Variants in TENM2 observed in about 807,000 individuals in gnomAD.
TENM2 encodes teneurin transmembrane protein 2.
Under a neutral mutation model 245.2 loss-of-function variants are expected in TENM2, and 52 were observed. That is an observed-to-expected ratio of 0.21 (90% CI 0.17 to 0.27). The LOEUF is 0.27. Ranked by LOEUF, TENM2 falls within the 10% of genes least tolerant of loss-of-function variation. TENM2 has a pLI of 1.00. For synonymous variants in TENM2, 1,363 were observed against 1,438.9 expected, an observed-to-expected ratio of 0.95 and a Z score of 1.19; for missense variants, 3,046 against 3,666.8, an observed-to-expected ratio of 0.83 and a Z score of 4.37.
chr5:167,937,364 G>A (rs887514681), intron 3 of TENM2, among the ~76,000 whole-genome samples: 1 of 152,138 alleles, frequency 6.6e-6, no homozygotes, highest in African/African-American at 2.4e-5. Flanking sequence ...TGAACATTAA[G>A]TCCTCATTTC....
intron 2 of TENM2, among the ~76,000 whole-genome samples, chr5:167,729,685 T>C (rs1347799317): frequency 1.3e-5 from 2 of 152,218 alleles, no homozygotes; most frequent in Non-Finnish European, 1.5e-5. Context: ...AAGGAAGGTT[T>C]GTGAGTATTT....
chr5:167,064,803 G>A, the TENM2 span, among the ~76,000 whole-genome samples: 1 of 152,084 alleles, frequency 6.6e-6, no homozygotes, highest in Non-Finnish European at 1.5e-5. Context: ...ATTACAAATA[G>A]TAACAAAAAA....
At chr5:167,355,959 G>C (rs540852977) in intron 1 of TENM2, among the ~76,000 whole-genome samples, 7 of 149,932 alleles carry the variant, frequency 4.7e-5, no homozygotes, top group Non-Finnish European at 8.9e-5. Context: ...GAGGCGGGCA[G>C]ATCACCTGAG....
chr5:167,272,888 A>AG, the TENM2 span, among the ~76,000 whole-genome samples: 1 of 152,204 alleles, frequency 6.6e-6, no homozygotes, highest in Non-Finnish European at 1.5e-5. Context: ...TTGTTCTGAC[A>AG]GGGAAAACAT....
chr5:167,875,908 C>A, intron 2 of TENM2, 78 bp from the exon 5 acceptor site: 1 of 847,140 alleles, frequency 1.2e-6, no homozygotes, highest in Non-Finnish European at 1.9e-6. Context: ...ATATTGTGAG[C>A]TGGTTTCAAT....
At chr5:167,160,870 T>C in the TENM2 span, among the ~76,000 whole-genome samples, 2 of 152,312 alleles carry the variant, frequency 1.3e-5, no homozygotes, top group South Asian at 4.1e-4. Context: ...TTGGTTGGAA[T>C]GTAAAATTGG....
intron 2 of TENM2, among the ~76,000 whole-genome samples, chr5:167,452,950 T>TATATATATATATATATATTTTTTTTTTAA (rs1554157772): frequency 1.0e-5 from 1 of 99,630 alleles, no homozygotes; most frequent in African/African-American, 3.4e-5. Context: ...TATATATATA[T>TATATATATATATATATATTTTTTTTTTAA]ATATATATAT....
the TENM2 span, among the ~76,000 whole-genome samples, chr5:167,244,082 T>C: frequency 6.6e-6 from 1 of 152,172 alleles, no homozygotes; most frequent in African/African-American, 2.4e-5. Context: ...CTAAATCTGT[T>C]CTATTATTAT....
intron 1 of TENM2, among the ~76,000 whole-genome samples, chr5:167,363,604 G>A (rs1007739600): frequency 3.3e-5 from 5 of 151,358 alleles, no homozygotes; most frequent in Admixed American, 6.6e-5. Context: ...GGTGGTGGAC[G>A]CCTGTAGTCC....
At chr5:167,536,799 C>A (rs1384882661) in intron 2 of TENM2, among the ~76,000 whole-genome samples, 1 of 152,142 alleles carries the variant, frequency 6.6e-6, no homozygotes, top group Non-Finnish European at 1.5e-5. Flanking sequence ...GGCAGGATCA[C>A]CTGAGGTCAG....
chr5:167,110,469 C>A, the TENM2 span, among the ~76,000 whole-genome samples: 1 of 152,154 alleles, frequency 6.6e-6, no homozygotes, highest in Admixed American at 6.5e-5. Flanking sequence ...TTTTAAAAGG[C>A]CCTTCCCACT....
chr5:168,076,727 A>G (rs1330198117), intron 7 of TENM2, among the ~76,000 whole-genome samples: 1 of 152,244 alleles, frequency 6.6e-6, no homozygotes, highest in Non-Finnish European at 1.5e-5. Context: ...CCCTTGCAAC[A>G]TAACAAGCTT....
At chr5:167,427,744 G>A (rs1365034103) in intron 2 of TENM2, among the ~76,000 whole-genome samples, 2 of 128,100 alleles carry the variant, frequency 1.6e-5, no homozygotes, top group Non-Finnish European at 3.2e-5. Context: ...GGACGGAAAG[G>A]AAGGGAAGGA....
intron 3 of TENM2, among the ~76,000 whole-genome samples, chr5:167,931,611 T>G (rs555676134): frequency 2.4e-4 from 36 of 150,776 alleles, no homozygotes; most frequent in Admixed American, 1.8e-3. Flanking sequence ...GTGTATCATA[T>G]GTTCCCCGGG....
intron 2 of TENM2, among the ~76,000 whole-genome samples, chr5:167,870,086 C>G (rs1361926912): frequency 6.6e-6 from 1 of 152,166 alleles, no homozygotes; most frequent in Non-Finnish European, 1.5e-5. Flanking sequence ...AGTCCTTTTG[C>G]AATACTTAAC....
the TENM2 span, among the ~76,000 whole-genome samples, chr5:167,254,654 AG>A: frequency 6.6e-6 from 1 of 152,150 alleles, no homozygotes; most frequent in Non-Finnish European, 1.5e-5. Flanking sequence ...ACTATAAATG[AG>A]ATTATTACGG....
intron 7 of TENM2, among the ~76,000 whole-genome samples, chr5:168,070,301 C>CT (rs1562120243): frequency 6.6e-6 from 1 of 152,048 alleles, no homozygotes. Flanking sequence ...ATAAAATAAA[C>CT]TTTTTGGCAG....
At chr5:167,915,115 C>T (rs1208993937) in intron 3 of TENM2, among the ~76,000 whole-genome samples, 4 of 152,082 alleles carry the variant, frequency 2.6e-5, no homozygotes, top group Non-Finnish European at 5.9e-5. Flanking sequence ...CATTATCCCA[C>T]CTACCATACC....
At chr5:167,392,002 A>G (rs1761787245) in intron 2 of TENM2, among the ~76,000 whole-genome samples, 1 of 152,108 alleles carries the variant, frequency 6.6e-6, no homozygotes, top group African/African-American at 2.4e-5. Context: ...AGTGGTTTGC[A>G]GAAGGTAGTT....
Sources: allele counts gnomAD v4.1 joint callset (sites outside exome capture counted in the v4.1 genomes callset), GRCh38; gene constraint gnomAD v4.1.1; transcripts MANE v1.5; gene names NCBI Gene and HGNC (gene_info 2026-07-23, HGNC 2026-07-21).